The following MYO1E variants were observed in gnomAD, a reference collection of about 807,000 sequenced individuals.
MYO1E encodes the protein myosin IE.
MYO1E carries 68 observed loss-of-function variants against 151.1 expected under a neutral mutation model. The ratio of observed to expected loss-of-function variants is 0.45; its 90% CI spans 0.37 to 0.55. The LOEUF (loss-of-function observed/expected upper bound fraction) is 0.55, where lower values mean the gene tolerates loss of function less well. MYO1E is among the 20% of genes least tolerant of loss of function. The pLI is 0.00. For missense variants in MYO1E, 1,363 were observed against 1,389.3 expected (o/e 0.98, Z 0.30); for synonymous variants, 601 against 501.7 (o/e 1.20, Z -2.64).
chr15:59,371,977 C>T (rs1596447942), intron 1 of MYO1E, among the ~76,000 whole-genome samples: 2 of 149,816 alleles, frequency 1.3e-5, no homozygotes, highest in African/African-American at 4.8e-5. Flanking sequence ...CGCCCGCGTG[C>T]CGCTGCCAGG....
intron 21 of MYO1E, 121 bp downstream of exon 21, chr15:59,173,625 T>C: frequency 1.6e-6 from 2 of 1,260,962 alleles, no homozygotes; most frequent in Non-Finnish European, 2.3e-6. Context: ...TTACTGTATT[T>C]TCTCTAAATT....
At chr15:59,215,533 G>T (rs2079908075) in intron 10 of MYO1E, among the ~76,000 whole-genome samples, 1 of 152,152 alleles carries the variant, frequency 6.6e-6, no homozygotes, top group Non-Finnish European at 1.5e-5. Flanking sequence ...AGCAAGGGAG[G>T]TTTGGATAGA....
chr15:59,183,365 T>G (rs2079676227), intron 18 of MYO1E, among the ~76,000 whole-genome samples: 1 of 151,356 alleles, frequency 6.6e-6, no homozygotes, highest in African/African-American at 2.4e-5. Flanking sequence ...TTTTTTTTCT[T>G]GTTTTCTTGA....
intron 26 of MYO1E, among the ~76,000 whole-genome samples, chr15:59,150,813 C>A (rs1244656994): frequency 6.6e-6 from 1 of 152,116 alleles, no homozygotes; most frequent in Non-Finnish European, 1.5e-5. Flanking sequence ...AATGCAAATT[C>A]TTAGGCCCTA....
At chr15:59,280,280 A>T (rs1467786902) in intron 1 of MYO1E, among the ~76,000 whole-genome samples, 3 of 152,346 alleles carry the variant, frequency 2.0e-5, no homozygotes, top group African/African-American at 7.2e-5. Flanking sequence ...AATGTATTCC[A>T]TCAACTCTAA....
chr15:59,190,096 A>T (rs1566974411), intron 17 of MYO1E, among the ~76,000 whole-genome samples: 1 of 152,198 alleles, frequency 6.6e-6, no homozygotes, highest in Non-Finnish European at 1.5e-5. Context: ...ATGCCGACAG[A>T]TCCTGAAAAC....
At chr15:59,207,794 C>A (rs530343533) in intron 14 of MYO1E, 2 of 1,614,144 alleles carry the variant, frequency 1.2e-6, no homozygotes, top group East Asian at 2.2e-5. Context: ...GAAGTGACTG[C>A]AACTGCCTAT....
At chr15:59,242,292 G>A (rs1596381561) in intron 4 of MYO1E, among the ~76,000 whole-genome samples, 1 of 152,214 alleles carries the variant, frequency 6.6e-6, no homozygotes, top group Non-Finnish European at 1.5e-5. Context: ...GCCAGGGCTG[G>A]AGTGGGGAAA....
At chr15:59,189,298 A>C (rs537912680) in intron 17 of MYO1E, among the ~76,000 whole-genome samples, 1 of 152,176 alleles carries the variant, frequency 6.6e-6, no homozygotes, top group Non-Finnish European at 1.5e-5. Context: ...GAACTCAATT[A>C]TCTGCCTGCT....
intron 1 of MYO1E, 86 bp downstream of exon 1, chr15:59,372,412 A>G (rs2080952499): frequency 6.7e-7 from 1 of 1,493,964 alleles, no homozygotes; most frequent in African/African-American, 1.4e-5. Context: ...TGGCCCCGGC[A>G]GCGCGCCCAA....
At chr15:59,208,348 C>T in intron 14 of MYO1E, 1 of 550,796 alleles carries the variant, frequency 1.8e-6, no homozygotes, top group Non-Finnish European at 3.3e-6. Context: ...CATTTGGTTC[C>T]CAAAAAGTAG....
At chr15:59,332,881 C>A (rs1466399142) in intron 1 of MYO1E, among the ~76,000 whole-genome samples, 1 of 152,070 alleles carries the variant, frequency 6.6e-6, no homozygotes, top group African/African-American at 2.4e-5. Flanking sequence ...CTATTGGATG[C>A]AGCCAATTTC....
chr15:59,348,310 C>T (rs1027820043), intron 1 of MYO1E, among the ~76,000 whole-genome samples: 2 of 152,202 alleles, frequency 1.3e-5, no homozygotes, highest in Non-Finnish European at 2.9e-5. Flanking sequence ...TAACCAAAAA[C>T]GCCAAAACCA....
rs1379161284 is a variant in MYO1E at position 59,314,109 on chromosome 15, T to C, written c.4-41660A>G. On this transcript the variant is annotated intron_variant, in intron 1 of 27. Transcript: ENST00000288235. The stretch of plus-strand genomic sequence containing the variant: ...TCCCTGGACTAGACAGGGCAGAGTA[T>C]GTTACAGAGGACTGTCATTTTAGGG... Among the ~76,000 whole-genome samples, 3 of 152,286 alleles carry C rather than the reference T, an allele frequency of 2.0e-5. No individual in the cohort carries two copies. In the East Asian group the frequency reaches 5.8e-4, roughly 29 times the overall value.
intron 4 of MYO1E, among the ~76,000 whole-genome samples, chr15:59,251,516 T>C (rs1322953659): frequency 2.0e-5 from 3 of 152,194 alleles, no homozygotes; most frequent in Non-Finnish European, 2.9e-5. Flanking sequence ...TTAGAGAAGT[T>C]TGAAGTTTTT....
Position 59,297,007 on chromosome 15 carries a change from TCGCCCGGCTAATTTTTTGTG to T in MYO1E, c.4-24578_4-24559del, listed in dbSNP as rs1567006955. 6.8e-3 allele frequency among the ~76,000 whole-genome samples: 301 copies of T among 44,356 alleles called. 2 individuals carry two copies. Among genetic ancestry groups the T allele is most frequent in the Admixed American group, 9.5e-3 (29 of 3,068 alleles). The allele number at this position is 44,356 out of a possible 152,430, so 29.1% of individuals were successfully genotyped here. On this transcript the variant is annotated intron_variant, in intron 1 of 27. Transcript: ENST00000288235. Reference sequence around the variant, plus strand: ...GGCGCCCGCTACCACGCCCGGCTAATCGCCCGGCTAATTTTTTGTGTTTTTTTGTAGAGACAGAGTTTCAC... The same window carrying T: ...GGCGCCCGCTACCACGCCCGGCTAATTTTTTTTGTAGAGACAGAGTTTCAC...
At chr15:59,176,840 G>A (rs187749243) in intron 19 of MYO1E, among the ~76,000 whole-genome samples, 8 of 152,220 alleles carry the variant, frequency 5.3e-5, no homozygotes, top group East Asian at 1.9e-4. Context: ...GGGAGAGAGC[G>A]GAGGTGATGG....
chr15:59,152,191 A>AT (rs2079485426), intron 26 of MYO1E, among the ~76,000 whole-genome samples: 1 of 152,210 alleles, frequency 6.6e-6, no homozygotes, highest in African/African-American at 2.4e-5. Flanking sequence ...GCACCACTGC[A>AT]TTGCAGCCTG....
At position 59,195,544 on chromosome 15, in the gene MYO1E, G is replaced by A. The variant is rs1483421130; in HGVS notation, c.1722C>T (p.Ser574=). ...KIKKQANDLV[S]TLMKCTPHYI... ...AGTGGGGCGTACATTTCATCAGGGT[G>A]CTCACAAGGTCATTGGCTTGTTTCT... Residue 574 remains serine (S), a synonymous_variant, in exon 17 of 28, where the codon AGC becomes AGT. Transcript: ENST00000288235. The A allele has an allele frequency of 1.2e-6, 2 of 1,613,904 alleles. No individual in the cohort carries two copies. The highest frequency in any genetic ancestry group is 2.2e-5 in the South Asian group (2 of 91,088).
Sources: allele counts gnomAD v4.1 joint callset (sites outside exome capture counted in the v4.1 genomes callset), GRCh38; gene constraint gnomAD v4.1.1; transcripts MANE v1.5; gene names NCBI Gene and HGNC (gene_info 2026-07-23, HGNC 2026-07-21).